Variants in SLIT3 observed in about 807,000 individuals in gnomAD.
The protein encoded by SLIT3 is slit homolog 3 protein.
Under a neutral mutation model 184.0 loss-of-function variants are expected in SLIT3, and 68 were observed. That is an observed-to-expected ratio of 0.37 (90% CI 0.30 to 0.45). SLIT3 has a LOEUF of 0.45. Ranked by LOEUF, SLIT3 falls within the 20% of genes least tolerant of loss-of-function variation. The pLI, the probability that SLIT3 is intolerant of heterozygous loss-of-function variation, is 1.00. For synonymous variants in SLIT3, 831 were observed against 828.6 expected (o/e 1.00, Z -0.05); for missense variants, 1,707 against 2,026.0 (o/e 0.84, Z 3.02).
At chr5:168,890,753 G>T (rs1760424629) in intron 4 of SLIT3, among the ~76,000 whole-genome samples, 1 of 152,188 alleles carries the variant, frequency 6.6e-6, no homozygotes, top group South Asian at 2.1e-4. Flanking sequence ...ATAAGTACAA[G>T]GGAGTTTCAT....
intron 4 of SLIT3, among the ~76,000 whole-genome samples, chr5:168,956,389 A>G (rs1762827906): frequency 6.6e-6 from 1 of 152,234 alleles, no homozygotes; most frequent in Admixed American, 6.5e-5. Flanking sequence ...TTATGTAGGC[A>G]ATAGTAAGTA....
At chr5:169,247,906 G>T (rs1285745013) in intron 2 of SLIT3, among the ~76,000 whole-genome samples, 1 of 152,144 alleles carries the variant, frequency 6.6e-6, no homozygotes, top group Non-Finnish European at 1.5e-5. Context: ...TTACAGGCGT[G>T]AGCCACCACA....
At chr5:169,048,733 ATTAAG>A (rs1402613243) in intron 4 of SLIT3, among the ~76,000 whole-genome samples, 9 of 152,220 alleles carry the variant, frequency 5.9e-5, no homozygotes, top group African/African-American at 2.2e-4. Context: ...TAACAGCCGT[ATTAAG>A]TTGTTACAGA....
At position 168,994,623 on chromosome 5, in the gene SLIT3, C is replaced by CTT. The variant is rs66498923; in HGVS notation, c.414-111289_414-111288dup. 3.0e-4 allele frequency among the ~76,000 whole-genome samples: 14 copies of CTT among 47,100 alleles called. 4 individuals carry two copies. The highest frequency in any genetic ancestry group is 6.1e-4 in the Admixed American group (2 of 3,296). The allele number at this position is 47,100 out of a possible 152,430, so 30.9% of individuals were successfully genotyped here. A position where few individuals can be genotyped will look rare whatever the true frequency, so the allele number is the denominator to read the frequency against. ...ACATGTACCAGTGTCTGGCATTCTA[C>CTT]TTTTTTTTTTTTTTTTTTTTTTTTT... On this transcript the variant is annotated intron_variant, in intron 4 of 35. Coordinates refer to ENST00000519560, the MANE Select transcript of SLIT3 (RefSeq NM_003062.4).
intron 4 of SLIT3, among the ~76,000 whole-genome samples, chr5:168,995,006 C>T (rs1755464657): frequency 6.6e-6 from 1 of 152,054 alleles, no homozygotes; most frequent in Non-Finnish European, 1.5e-5. Flanking sequence ...AAGTTAGGAG[C>T]TATTATTATG....
chr5:168,909,160 C>G (rs1481119537), intron 4 of SLIT3, among the ~76,000 whole-genome samples: 3 of 152,234 alleles, frequency 2.0e-5, no homozygotes, highest in East Asian at 1.9e-4. Flanking sequence ...GCAGCTAGGA[C>G]AGCAAGGGCT....
At chr5:169,024,491 G>A (rs1756737461) in intron 4 of SLIT3, 2 of 152,204 alleles carry the variant, frequency 1.3e-5, no homozygotes, top group South Asian at 2.1e-4. Context: ...TTTCCTGCCG[G>A]AAGTTGCTGA....
intron 4 of SLIT3, among the ~76,000 whole-genome samples, chr5:168,889,248 T>C (rs1014322330): frequency 6.6e-6 from 1 of 152,220 alleles, no homozygotes; most frequent in Non-Finnish European, 1.5e-5. Context: ...ATAAGCAAGA[T>C]TGTATGTTTG....
chr5:168,734,589 T>C (rs1763378227), intron 20 of SLIT3, among the ~76,000 whole-genome samples: 1 of 152,230 alleles, frequency 6.6e-6, no homozygotes, highest in Non-Finnish European at 1.5e-5. Flanking sequence ...TTCCATGTGC[T>C]GGTGAAAAGA....
At chr5:169,116,219 A>G (rs539905271) in intron 4 of SLIT3, among the ~76,000 whole-genome samples, 2 of 152,284 alleles carry the variant, frequency 1.3e-5, no homozygotes, top group African/African-American at 4.8e-5. Flanking sequence ...GGGCAAAAAA[A>G]TCATTACTGC....
At chr5:169,294,975 A>G (rs909705997) in intron 1 of SLIT3, among the ~76,000 whole-genome samples, 3 of 152,236 alleles carry the variant, frequency 2.0e-5, no homozygotes, top group African/African-American at 7.2e-5. Flanking sequence ...CAGGGCATTT[A>G]CCAGGAATAA....
chr5:168,993,303 T>A (rs1409282021), intron 4 of SLIT3, among the ~76,000 whole-genome samples: 1 of 152,152 alleles, frequency 6.6e-6, no homozygotes, highest in Admixed American at 6.5e-5. Context: ...TCAGGGGGGC[T>A]CCGGGTCCGG....
chr5:169,144,099 A>G (rs1761845753), intron 4 of SLIT3, among the ~76,000 whole-genome samples: 1 of 152,166 alleles, frequency 6.6e-6, no homozygotes, highest in Non-Finnish European at 1.5e-5. Context: ...TTTTTATTTT[A>G]TGGATGGGAA....
chr5:169,201,968 A>C (rs1763915308), intron 3 of SLIT3, among the ~76,000 whole-genome samples: 1 of 145,622 alleles, frequency 6.9e-6, no homozygotes, highest in African/African-American at 2.5e-5. Flanking sequence ...GCAGTGTCTC[A>C]TGCCTACAGT....
At chr5:168,729,055 G>A (rs1001679455) in intron 20 of SLIT3, among the ~76,000 whole-genome samples, 2 of 151,898 alleles carry the variant, frequency 1.3e-5, no homozygotes, top group African/African-American at 2.4e-5. Flanking sequence ...CTCAGAACTT[G>A]AAGACAGGTC....
intron 5 of SLIT3, among the ~76,000 whole-genome samples, chr5:168,851,052 A>G (rs1007850206): frequency 2.0e-5 from 3 of 152,224 alleles, no homozygotes; most frequent in Non-Finnish European, 2.9e-5. Context: ...GGCCAGGTGC[A>G]GCGGTTCACG....
At chr5:169,284,534 A>T (rs958107066) in intron 1 of SLIT3, among the ~76,000 whole-genome samples, 2 of 152,244 alleles carry the variant, frequency 1.3e-5, no homozygotes, top group Non-Finnish European at 2.9e-5. Flanking sequence ...TACCATTTTA[A>T]GTCCCTACTA....
intron 4 of SLIT3, among the ~76,000 whole-genome samples, chr5:169,164,328 T>A (rs998919203): frequency 1.3e-5 from 2 of 152,160 alleles, no homozygotes; most frequent in Non-Finnish European, 2.9e-5. Flanking sequence ...AAGGTCCCAT[T>A]CTAGCACAAC....
intron 5 of SLIT3, among the ~76,000 whole-genome samples, chr5:168,873,338 A>T (rs1759606500): frequency 6.6e-6 from 1 of 152,084 alleles, no homozygotes; most frequent in Non-Finnish European, 1.5e-5. Context: ...ATTAAACAAG[A>T]TAATACATAT....
Sources: gnomAD v4.1 joint callset for allele counts (sites outside exome capture counted in the v4.1 genomes callset) on GRCh38, gnomAD v4.1.1 for gene constraint, MANE v1.5 for transcripts, NCBI Gene and HGNC (gene_info 2026-07-23, HGNC 2026-07-21) for gene names.